Variants in SDHA observed in about 807,000 individuals in gnomAD.
SDHA encodes the protein succinate dehydrogenase complex flavoprotein subunit A, also known as succinate dehydrogenase [ubiquinone] flavoprotein subunit, mitochondrial.
Under a neutral mutation model 78.4 loss-of-function variants are expected in SDHA, and 48 were observed. The ratio of observed to expected loss-of-function variants is 0.61; its 90% confidence interval spans 0.49 to 0.78. SDHA has a LOEUF of 0.78. Among genes scored for constraint, SDHA ranks in the 30% least tolerant of loss-of-function variants. The pLI, the probability that SDHA is intolerant of heterozygous loss-of-function variation, is 0.00. For missense variants in SDHA, 680 were observed against 892.7 expected (o/e 0.76, Z 3.04); for synonymous variants, 326 against 353.9 (o/e 0.92, Z 0.88).
chr5:235,423 C>T (rs1735717256), intron 9 of SDHA, 84 bp downstream of exon 9: 10 of 1,306,206 alleles, frequency 7.7e-6, no homozygotes, highest in Non-Finnish European at 1.1e-5. Flanking sequence ...TTAGATCTTA[C>T]AGGAAAAGAT....
At chr5:254,781 C>T (rs1737071466) in intron 14 of SDHA, among the ~76,000 whole-genome samples, 1 of 152,052 alleles carries the variant, frequency 6.6e-6, no homozygotes. Flanking sequence ...AGCAAGTGTC[C>T]AAGGCCTGGT....
At chr5:230,733 G>T in intron 6 of SDHA, 143 bp from the exon 7 acceptor site, 1 of 1,044,246 alleles carries the variant, frequency 9.6e-7, no homozygotes, top group Non-Finnish European at 1.5e-6. Context: ...TGATATGTGT[G>T]GGGTGTGCGT....
intron 1 of SDHA, chr5:220,368 A>C (rs1247933233): frequency 1.2e-5 from 5 of 431,484 alleles, no homozygotes; most frequent in African/African-American, 1.0e-4. Flanking sequence ...TAACATGAAC[A>C]TCCAATATAT....
intron 11 of SDHA, among the ~76,000 whole-genome samples, chr5:244,996 T>G (rs1736360364): frequency 6.6e-6 from 1 of 152,184 alleles, no homozygotes; most frequent in Non-Finnish European, 1.5e-5. Context: ...TAGGATATTA[T>G]TTTTGATGGC....
chr5:228,010 C>A (rs185912166), intron 5 of SDHA, 175 bp from the exon 6 acceptor site: 3 of 667,812 alleles, frequency 4.5e-6, no homozygotes, highest in Non-Finnish European at 8.0e-6. Context: ...CTGTACTGCT[C>A]GGCGTGGAAT....
downstream of SDHA, among the ~76,000 whole-genome samples, chr5:257,394 CCT>C (rs199995759): frequency 7.1e-3 from 1,047 of 147,364 alleles, 19 homozygotes; most frequent in African/African-American, 0.027. Flanking sequence ...AGCTCCGCCC[CCT>C]GCCAGAGCAT....
intron 10 of SDHA, among the ~76,000 whole-genome samples, chr5:239,142 G>C (rs1735973745): frequency 8.4e-6 from 1 of 118,588 alleles, no homozygotes. Flanking sequence ...TGGTGGGCGG[G>C]GTGGGGCCTG....
intron 10 of SDHA, among the ~76,000 whole-genome samples, chr5:237,153 A>G (rs113945846): frequency 0.014 from 1,862 of 135,168 alleles, 601 homozygotes; most frequent in African/African-American, 0.06. Context: ...TTTTGCAGTC[A>G]TTATGTTCTG....
intron 11 of SDHA, among the ~76,000 whole-genome samples, chr5:247,479 G>A (rs1036362665): frequency 2.6e-5 from 4 of 152,210 alleles, no homozygotes; most frequent in African/African-American, 9.7e-5. Context: ...CCGTGTTAAT[G>A]CCTCTGGTCT....
Position 236,928 on chromosome 5 carries a change from C to A in SDHA, c.1432+329C>A, listed in dbSNP as rs554415820. On this transcript the variant is annotated intron_variant, in intron 10 of 14. Coordinates refer to ENST00000264932, the MANE Select transcript of SDHA (RefSeq NM_004168.4). ...CTTCCCAAAGTATCGGGATTACAGGCATGAGCCACTGCACCCAGCCAGGTT... is the reference window on the plus strand; with the variant it reads ...CTTCCCAAAGTATCGGGATTACAGGAATGAGCCACTGCACCCAGCCAGGTT... Among the ~76,000 whole-genome samples, 7 of 147,822 alleles carry A rather than the reference C, an allele frequency of 4.7e-5. No individual in the cohort carries two copies. In the East Asian group the frequency reaches 1.4e-3, roughly 29 times the overall value.
Position 225,516 on chromosome 5 carries a change from A to T in SDHA, c.410A>T (p.Asp137Val). The T allele has an allele frequency of 6.2e-7, 1 of 1,613,878 alleles. No individual in the cohort carries two copies. Among genetic ancestry groups the T allele is most frequent in the South Asian group, 1.1e-5 (1 of 91,066 alleles). ...GGCTCCGACTGGCTGGGGGACCAGGATGCCATCCACTACATGACGGAGCAG... is the reference window on the plus strand; with the variant it reads ...GGCTCCGACTGGCTGGGGGACCAGGTTGCCATCCACTACATGACGGAGCAG... The part of the protein sequence containing the change: ...VKGSDWLGDQ[D>V]AIHYMTEQAP... Residue 137 changes from aspartate to valine, a missense_variant, in exon 4 of 15, where the codon GAT becomes GTT. Coordinates refer to ENST00000264932, the MANE Select transcript of SDHA (RefSeq NM_004168.4).
At chr5:224,555 C>T (rs371061737) in intron 3 of SDHA, 34 bp downstream of exon 3, 144 of 1,608,390 alleles carry the variant, frequency 9.0e-5, no homozygotes, top group Non-Finnish European at 6.9e-5. Context: ...GCTCCCACTC[C>T]GTGCAGGTCC....
Position 235,254 on chromosome 5 carries a change from G to A in SDHA, c.1175G>A (p.Gly392Asp), listed in dbSNP as rs2126585055. ...TCAGAGACAGCCATGATCTTCGCTG[G>A]CGTGGACGTCACGAAGGAGCCGATC... ...GISETAMIFAGVDVTKEPIPV... is the reference protein window; with the variant it reads ...GISETAMIFADVDVTKEPIPV... Residue 392 changes from glycine (G) to aspartate (D), a missense_variant, in exon 9 of 15, where the codon GGC (glycine) becomes GAC (aspartate). Physicochemically the swap from Gly to Asp is moderately conservative, Grantham distance 94 (BLOSUM62 -1). Transcript: ENST00000264932. The A allele has an allele frequency of 6.2e-7, 1 of 1,614,068 alleles. No homozygotes were observed.
intron 7 of SDHA, among the ~76,000 whole-genome samples, chr5:231,793 T>C (rs10052012): frequency 0.24 from 36,279 of 151,998 alleles, 6,846 homozygotes; most frequent in African/African-American, 0.52. Flanking sequence ...ACGGAGCTTC[T>C]GTGACAATGG....
At chr5:224,671 C>T in intron 3 of SDHA, 150 bp downstream of exon 3, 1 of 778,782 alleles carries the variant, frequency 1.3e-6, no homozygotes, top group East Asian at 2.6e-5. Context: ...TCAGGGGTCT[C>T]TCCCTGGAGC....
At chr5:243,090 C>T (rs1736243623) in intron 11 of SDHA, among the ~76,000 whole-genome samples, 2 of 152,150 alleles carry the variant, frequency 1.3e-5, no homozygotes, top group Admixed American at 1.3e-4. Flanking sequence ...CGACCCCTCT[C>T]AGTTCTATTC....
chr5:227,842 T>G, intron 5 of SDHA: 1 of 367,386 alleles, frequency 2.7e-6, no homozygotes, highest in South Asian at 2.3e-5. Context: ...GGGCTGTGAC[T>G]GCATGGTCTG....
At chr5:234,779 T>TG in intron 8 of SDHA, 1 of 326,162 alleles carries the variant, frequency 3.1e-6, no homozygotes, top group South Asian at 3.0e-5. Flanking sequence ...CCACGGATTT[T>TG]GGTATCCGTG....
intron 11 of SDHA, among the ~76,000 whole-genome samples, chr5:242,380 A>G (rs897817706): frequency 6.6e-6 from 1 of 152,234 alleles, no homozygotes; most frequent in African/African-American, 2.4e-5. Context: ...ACCACAAACA[A>G]TAGCATGAGC....
Sources: gnomAD v4.1 joint callset for allele counts (sites outside exome capture counted in the v4.1 genomes callset) on GRCh38, gnomAD v4.1.1 for gene constraint, MANE v1.5 for transcripts, NCBI Gene and HGNC (gene_info 2026-07-23, HGNC 2026-07-21) for gene names.